UNC5D: variants seen among roughly 807,000 people sequenced by gnomAD.
UNC5D encodes unc-5 netrin receptor D, also known as netrin receptor UNC5D.
A neutral mutation model predicts 105.4 loss-of-function variants in UNC5D; 39 were observed. The observed-to-expected ratio is 0.37, with a 90% CI of 0.29 to 0.48. The LOEUF is 0.48. Ranked by LOEUF, UNC5D falls within the 20% of genes least tolerant of loss-of-function variation. The pLI, the probability that UNC5D is intolerant of heterozygous loss-of-function variation, is 0.98. For missense variants in UNC5D, 991 were observed against 1,202.4 expected (o/e 0.82, Z 2.60); for synonymous variants, 452 against 450.4 (o/e 1.00, Z -0.04).
intron 1 of UNC5D, among the ~76,000 whole-genome samples, chr8:35,486,702 A>G (rs1407908340): frequency 6.6e-6 from 1 of 152,212 alleles, no homozygotes; most frequent in Non-Finnish European, 1.5e-5. Flanking sequence ...AAAAATGCAA[A>G]GTGAGTACAT....
At chr8:35,511,806 C>T (rs902873967) in intron 1 of UNC5D, among the ~76,000 whole-genome samples, 6 of 152,194 alleles carry the variant, frequency 3.9e-5, no homozygotes, top group Middle Eastern at 3.4e-3. Context: ...CGTTCAAAGC[C>T]GTCCTGGGCT....
intron 1 of UNC5D, among the ~76,000 whole-genome samples, chr8:35,549,075 C>T (rs1185459481): frequency 1.3e-5 from 2 of 152,176 alleles, no homozygotes; most frequent in Non-Finnish European, 2.9e-5. Context: ...ATGTTTCATC[C>T]AATAACACTG....
chr8:35,326,974 T>C (rs568703594), intron 1 of UNC5D, among the ~76,000 whole-genome samples: 1 of 152,164 alleles, frequency 6.6e-6, no homozygotes, highest in East Asian at 1.9e-4. Context: ...TGTTTTAAGG[T>C]TTAGCGGTGG....
chr8:35,651,989 A>G (rs997912223), intron 4 of UNC5D, among the ~76,000 whole-genome samples: 4 of 152,146 alleles, frequency 2.6e-5, no homozygotes, highest in Admixed American at 2.0e-4. Flanking sequence ...CCTGGTGCCA[A>G]TGTATAGGTG....
At chr8:35,784,393 T>C (rs566494571) in intron 16 of UNC5D, among the ~76,000 whole-genome samples, 1 of 152,196 alleles carries the variant, frequency 6.6e-6, no homozygotes, top group African/African-American at 2.4e-5. Context: ...ATTGAGTCTA[T>C]AGGGCTGGGG....
At chr8:35,385,666 C>T (rs753777770) in intron 1 of UNC5D, among the ~76,000 whole-genome samples, 3 of 151,974 alleles carry the variant, frequency 2.0e-5, no homozygotes, top group Admixed American at 6.6e-5. Context: ...GGGGTTTCAC[C>T]GTGTTAGCCA....
At chr8:35,312,017 C>T (rs1235437056) in intron 1 of UNC5D, among the ~76,000 whole-genome samples, 2 of 152,278 alleles carry the variant, frequency 1.3e-5, no homozygotes, top group East Asian at 3.9e-4. Flanking sequence ...GGAATCAGGG[C>T]TTTTATGCAA....
chr8:35,477,312 C>T (rs1021754288), intron 1 of UNC5D, among the ~76,000 whole-genome samples: 7 of 151,920 alleles, frequency 4.6e-5, no homozygotes, highest in African/African-American at 1.7e-4. Context: ...TTCCATAAGG[C>T]TGAGACTCAT....
At chr8:35,694,005 C>T (rs533032957) in intron 7 of UNC5D, among the ~76,000 whole-genome samples, 8 of 151,910 alleles carry the variant, frequency 5.3e-5, no homozygotes, top group Admixed American at 1.3e-4. Flanking sequence ...AGGAAAAAAA[C>T]GAAAGCAAAA....
intron 1 of UNC5D, among the ~76,000 whole-genome samples, chr8:35,459,372 A>G (rs1434384245): frequency 6.6e-6 from 1 of 152,166 alleles, no homozygotes; most frequent in Admixed American, 6.6e-5. Context: ...GGCTAATAAC[A>G]TTTCAATTTT....
At chr8:35,489,251 A>C (rs528324766) in intron 1 of UNC5D, among the ~76,000 whole-genome samples, 1 of 152,066 alleles carries the variant, frequency 6.6e-6, no homozygotes, top group Admixed American at 6.5e-5. Context: ...CAGGTGATCC[A>C]CCTGCCTCAG....
At chr8:35,525,100 C>A in intron 1 of UNC5D, 1 of 1,506,728 alleles carries the variant, frequency 6.6e-7, no homozygotes, top group African/African-American at 1.4e-5. Context: ...CCTTCCCTCC[C>A]CCGGCCTGCC....
At chr8:35,680,220 G>A (rs555434232) in intron 4 of UNC5D, among the ~76,000 whole-genome samples, 19 of 152,246 alleles carry the variant, frequency 1.2e-4, no homozygotes, top group African/African-American at 4.6e-4. Context: ...TAGGTAAAAT[G>A]TTCTCTGGTC....
chr8:35,439,577 A>G (rs1807259281), intron 1 of UNC5D, among the ~76,000 whole-genome samples: 1 of 152,066 alleles, frequency 6.6e-6, no homozygotes, highest in Admixed American at 6.6e-5. Context: ...TCTTGAAGCT[A>G]TGGAAAAGCA....
chr8:35,514,264 CTCAT>C lies in UNC5D; in HGVS notation c.104-35026_104-35023del, dbSNP rs1301506374. Among the ~76,000 whole-genome samples, 3 of 152,318 alleles carry C rather than the reference CTCAT, an allele frequency of 2.0e-5. No individual in the cohort carries two copies. The East Asian group carries it at 5.8e-4, about 29-fold the overall frequency. Reference sequence around the variant, plus strand: ...ATTGCTAGTGTGCAACCTTCTCTCCCTCATTAACTTGCTGCAAACCCTGTCAGCC... The same window carrying C: ...ATTGCTAGTGTGCAACCTTCTCTCCCTAACTTGCTGCAAACCCTGTCAGCC... On this transcript the variant is annotated intron_variant, in intron 1 of 16. Coordinates refer to ENST00000404895, the MANE Select transcript of UNC5D (RefSeq NM_080872.4).
At chr8:35,782,289 C>CAT (rs1802536254) in intron 16 of UNC5D, among the ~76,000 whole-genome samples, 1 of 152,052 alleles carries the variant, frequency 6.6e-6, no homozygotes. Flanking sequence ...TTTAAAGAAG[C>CAT]ATATGGAGGG....
intron 12 of UNC5D, 106 bp downstream of exon 12, chr8:35,748,801 A>G: frequency 7.4e-7 from 1 of 1,348,844 alleles, no homozygotes; most frequent in Non-Finnish European, 1.0e-6. Flanking sequence ...CGTTGTTGGC[A>G]AAGGGTTGGT....
intron 8 of UNC5D, among the ~76,000 whole-genome samples, chr8:35,717,749 C>T (rs1368270991): frequency 6.6e-6 from 1 of 152,176 alleles, no homozygotes; most frequent in Non-Finnish European, 1.5e-5. Flanking sequence ...TCCTCTTTTG[C>T]AGTTCTTGTT....
intron 1 of UNC5D, among the ~76,000 whole-genome samples, chr8:35,365,738 A>T (rs556642229): frequency 6.6e-6 from 1 of 152,146 alleles, no homozygotes; most frequent in Non-Finnish European, 1.5e-5. Context: ...GGTATCACTG[A>T]ATAGGAATAG....
Sources: allele counts gnomAD v4.1 joint callset (sites outside exome capture counted in the v4.1 genomes callset), GRCh38; gene constraint gnomAD v4.1.1; transcripts MANE v1.5; gene names NCBI Gene and HGNC (gene_info 2026-07-23, HGNC 2026-07-21).